Variants in TMEM135 observed in about 807,000 individuals in gnomAD.
The protein encoded by TMEM135 is peroxisomal membrane protein 52.
TMEM135 carries 30 observed loss-of-function variants against 60.3 expected under a neutral mutation model. The ratio of observed to expected loss-of-function variants is 0.50; its 90% confidence interval spans 0.37 to 0.68. The LOEUF is 0.68. Among genes scored for constraint, TMEM135 ranks in the 30% least tolerant of loss-of-function variants. TMEM135 has a pLI of 0.00. For synonymous variants in TMEM135, 190 were observed against 186.7 expected, an observed-to-expected ratio of 1.02 and a Z score of -0.14; for missense variants, 468 against 548.8, an observed-to-expected ratio of 0.85 and a Z score of 1.47.
chr11:87,303,250 G>A (rs921512396), intron 8 of TMEM135, among the ~76,000 whole-genome samples: 2 of 152,138 alleles, frequency 1.3e-5, no homozygotes, highest in Non-Finnish European at 2.9e-5. Flanking sequence ...AAACCCCATT[G>A]TGAACTGCGC....
chr11:87,186,669 A>G (rs1430171986), intron 5 of TMEM135, among the ~76,000 whole-genome samples: 1 of 152,184 alleles, frequency 6.6e-6, no homozygotes, highest in African/African-American at 2.4e-5. Context: ...TCACATTGTA[A>G]TACTCATTTA....
At chr11:87,157,977 G>A (rs900598109) in intron 5 of TMEM135, 2 of 152,706 alleles carry the variant, frequency 1.3e-5, no homozygotes, top group East Asian at 1.9e-4. Flanking sequence ...CACTTTGTCT[G>A]CTCTTTCTTT....
chr11:87,263,588 TC>T (rs1941693728), intron 6 of TMEM135, among the ~76,000 whole-genome samples: 1 of 152,160 alleles, frequency 6.6e-6, no homozygotes, highest in Non-Finnish European at 1.5e-5. Context: ...GATTTAGTGT[TC>T]TTTTTAGTCC....
At chr11:87,157,796 C>T (rs1464847871) in intron 5 of TMEM135, 3 of 165,900 alleles carry the variant, frequency 1.8e-5, no homozygotes, top group South Asian at 1.5e-4. Context: ...ATTTACTACA[C>T]GTGGAGAGAA....
chr11:87,085,490 C>T (rs1399669759), intron 3 of TMEM135, among the ~76,000 whole-genome samples: 1 of 152,180 alleles, frequency 6.6e-6, no homozygotes, highest in Non-Finnish European at 1.5e-5. Flanking sequence ...GGTGCGGTGG[C>T]TCATGCCTGT....
At chr11:87,091,675 T>G (rs918975280) in intron 4 of TMEM135, among the ~76,000 whole-genome samples, 2 of 152,096 alleles carry the variant, frequency 1.3e-5, no homozygotes. Context: ...TGTACTTGTA[T>G]GTGTATATAT....
chr11:87,206,050 G>T (rs149284802), intron 5 of TMEM135, among the ~76,000 whole-genome samples: 1,551 of 152,232 alleles, frequency 0.01, 11 homozygotes, highest in Non-Finnish European at 0.015. Context: ...CTGCGCTAGT[G>T]GTTGTGAACT....
intron 5 of TMEM135, among the ~76,000 whole-genome samples, chr11:87,187,714 A>G (rs957883479): frequency 1.3e-5 from 2 of 152,318 alleles, no homozygotes; most frequent in Non-Finnish European, 1.5e-5. Flanking sequence ...GTATTTTATA[A>G]CTTCAAATCT....
intron 5 of TMEM135, among the ~76,000 whole-genome samples, chr11:87,172,314 A>G (rs1939259106): frequency 6.6e-6 from 1 of 152,184 alleles, no homozygotes; most frequent in Non-Finnish European, 1.5e-5. Context: ...ATGAGACAAA[A>G]CAGGTTAAGA....
intron 5 of TMEM135, among the ~76,000 whole-genome samples, chr11:87,167,675 A>G (rs887160660): frequency 6.6e-6 from 1 of 152,098 alleles, no homozygotes; most frequent in South Asian, 2.1e-4. Context: ...ATCATGGTGG[A>G]TAAGCTTTTT....
chr11:87,252,220 A>G (rs1193890908), intron 6 of TMEM135, among the ~76,000 whole-genome samples: 2 of 152,168 alleles, frequency 1.3e-5, no homozygotes, highest in Admixed American at 6.5e-5. Flanking sequence ...GAAGAAGCAG[A>G]CGAGATTGAT....
Position 87,274,079 on chromosome 11 carries a change from C to T in TMEM135, c.510-21703C>T, listed in dbSNP as rs1230995807. 3.9e-5 allele frequency among the ~76,000 whole-genome samples: 6 copies of T among 152,090 alleles called. No individual in the cohort carries two copies. In the South Asian group the frequency reaches 1.0e-3, roughly 26 times the overall value. On this transcript the variant is annotated intron_variant, in intron 6 of 14. Transcript: ENST00000305494. ...TGTTTCGGAAATGTATTTCTCCTGA[C>T]CATCCTTTAGAGTGGGTTGAGTGGG...
At position 87,323,498 on chromosome 11, in the gene TMEM135, A is replaced by G; in HGVS notation, c.*2165A>G. ...TTGATTGACAACTTTTTGGCATTAT[A>G]AATAAAGTAAAATAGATCTCTGCAT... is the stretch of plus-strand genomic sequence containing the variant. On this transcript the variant is annotated 3_prime_UTR_variant, in exon 15 of 15. Coordinates refer to ENST00000305494, the MANE Select transcript of TMEM135 (RefSeq NM_022918.4). The G allele has an allele frequency of 2.2e-6, 1 of 453,940 alleles. No individual in the cohort carries two copies. The highest frequency in any genetic ancestry group is 1.6e-5 in the South Asian group (1 of 64,442). The allele number at this position is 453,940 out of a possible 1,614,324, so 28.1% of individuals were successfully genotyped here.
At chr11:87,160,679 T>A (rs1362550734) in intron 5 of TMEM135, among the ~76,000 whole-genome samples, 1 of 152,222 alleles carries the variant, frequency 6.6e-6, no homozygotes, top group Non-Finnish European at 1.5e-5. Context: ...TCCAAGATAA[T>A]CAGCAATGAC....
chr11:87,233,470 T>C (rs1035662000), intron 5 of TMEM135, among the ~76,000 whole-genome samples: 2 of 152,022 alleles, frequency 1.3e-5, no homozygotes, highest in Non-Finnish European at 2.9e-5. Flanking sequence ...CAACAAATAA[T>C]GGGAGAATGC....
intron 1 of TMEM135, among the ~76,000 whole-genome samples, chr11:87,046,401 TAAAC>T (rs762327219): frequency 3.9e-4 from 59 of 151,858 alleles, no homozygotes; most frequent in African/African-American, 1.2e-3. Flanking sequence ...AACAAACAAA[TAAAC>T]AAACAACAAA....
At chr11:87,284,591 G>A (rs1230411489) in intron 6 of TMEM135, among the ~76,000 whole-genome samples, 2 of 152,158 alleles carry the variant, frequency 1.3e-5, no homozygotes, top group African/African-American at 2.4e-5. Flanking sequence ...CTTTGCTTGG[G>A]CTCTTGAAGA....
At chr11:87,069,114 G>A (rs558819787) in intron 2 of TMEM135, among the ~76,000 whole-genome samples, 1 of 150,444 alleles carries the variant, frequency 6.6e-6, no homozygotes, top group African/African-American at 2.4e-5. Context: ...GTGAAACCCC[G>A]TCTCTACTAA....
chr11:87,163,265 C>G (rs1259101232), intron 5 of TMEM135, among the ~76,000 whole-genome samples: 1 of 142,176 alleles, frequency 7.0e-6, no homozygotes, highest in Non-Finnish European at 1.5e-5. Flanking sequence ...TCAATTCCCA[C>G]CTATGAGTGA....
Sources: gnomAD v4.1 joint callset for allele counts (sites outside exome capture counted in the v4.1 genomes callset) on GRCh38, gnomAD v4.1.1 for gene constraint, MANE v1.5 for transcripts, NCBI Gene and HGNC (gene_info 2026-07-23, HGNC 2026-07-21) for gene names.